Variants in VOPP1 observed in about 807,000 individuals in gnomAD.
VOPP1 encodes WW domain binding protein VOPP1.
A neutral mutation model predicts 23.5 loss-of-function variants in VOPP1; 8 were observed. That is an observed-to-expected ratio of 0.34 (90% CI 0.20 to 0.61). VOPP1 has a LOEUF of 0.61. VOPP1 is among the 20% of genes least tolerant of loss of function. The probability of loss-of-function intolerance (pLI) is 0.78; values close to 1 mark genes in which losing one functional copy is unlikely to be tolerated. For missense variants in VOPP1, 174 were observed against 238.1 expected (o/e 0.73, Z 1.77); for synonymous variants, 83 against 97.3 (o/e 0.85, Z 0.86).
intron 2 of VOPP1, among the ~76,000 whole-genome samples, chr7:55,511,106 T>C (rs1795042160): frequency 1.3e-5 from 2 of 152,208 alleles, no homozygotes; most frequent in Non-Finnish European, 2.9e-5. Context: ...TGTAAAGGTT[T>C]TGACTTAAAC....
In VOPP1 at chr7:55,471,599, A is replaced by G. The variant is rs1262807054; in HGVS notation, c.*1256T>C. Reference sequence around the variant, plus strand: ...AGGTCAGCGTTCACACATCAACACTATAACTATGCGGCGGAACTAGCTCCC... The same window carrying G: ...AGGTCAGCGTTCACACATCAACACTGTAACTATGCGGCGGAACTAGCTCCC... On this transcript the variant is annotated 3_prime_UTR_variant, in exon 5 of 5. Transcript: ENST00000285279. 5 of 151,238 alleles carry G rather than the reference A, an allele frequency of 3.3e-5. No homozygotes were observed. The highest frequency in any genetic ancestry group is 6.6e-5 in the Admixed American group (1 of 15,206). The allele number at this position is 151,238 out of a possible 1,614,324, so 9.4% of individuals were successfully genotyped here. A position where few individuals can be genotyped will look rare whatever the true frequency, so the allele number is the denominator to read the frequency against.
intron 1 of VOPP1, among the ~76,000 whole-genome samples, chr7:55,560,169 CA>C (rs567580188): frequency 0.012 from 1,792 of 151,640 alleles, 13 homozygotes; most frequent in Middle Eastern, 0.02. Context: ...CAAACGAAAA[CA>C]AAAAAAACCT....
At chr7:55,568,457 G>A (rs895728678) in intron 1 of VOPP1, among the ~76,000 whole-genome samples, 5 of 152,166 alleles carry the variant, frequency 3.3e-5, no homozygotes, top group South Asian at 2.1e-4. Context: ...TGGCTTAAGC[G>A]TTTCCAGCTC....
chr7:55,502,355 A>T (rs1165522859), intron 2 of VOPP1, among the ~76,000 whole-genome samples: 2 of 152,268 alleles, frequency 1.3e-5, no homozygotes, highest in Non-Finnish European at 2.9e-5. Flanking sequence ...TTGGAACACC[A>T]GCAGCAAATA....
At chr7:55,496,837 G>A (rs745500761) in intron 3 of VOPP1, among the ~76,000 whole-genome samples, 1 of 152,358 alleles carries the variant, frequency 6.6e-6, no homozygotes, top group Non-Finnish European at 1.5e-5. Flanking sequence ...ATCATGCAGA[G>A]AGCAAACTCT....
intron 2 of VOPP1, among the ~76,000 whole-genome samples, chr7:55,501,267 G>A (rs924081926): frequency 1.3e-5 from 2 of 152,262 alleles, no homozygotes; most frequent in African/African-American, 4.8e-5. Context: ...GGACGGCGTC[G>A]ATTTGTAGTG....
At chr7:55,524,831 C>G (rs1265975189) in intron 1 of VOPP1, among the ~76,000 whole-genome samples, 1 of 152,154 alleles carries the variant, frequency 6.6e-6, no homozygotes, top group Non-Finnish European at 1.5e-5. Flanking sequence ...AAGTCGAAGT[C>G]TGATGAGAAA....
At chr7:55,553,610 C>T (rs1304122052) in intron 1 of VOPP1, among the ~76,000 whole-genome samples, 3 of 151,894 alleles carry the variant, frequency 2.0e-5, no homozygotes, top group Non-Finnish European at 2.9e-5. Context: ...CAGAAGCCCC[C>T]ACTCCCTGAC....
At chr7:55,497,895 G>C (rs1249422677) in intron 2 of VOPP1, among the ~76,000 whole-genome samples, 2 of 152,254 alleles carry the variant, frequency 1.3e-5, no homozygotes, top group African/African-American at 2.4e-5. Context: ...GTGCTGAGGT[G>C]GGCACAGTCA....
At chr7:55,440,793 T>G (rs1316084308) in intron 4 of VOPP1, among the ~76,000 whole-genome samples, 1 of 152,174 alleles carries the variant, frequency 6.6e-6, no homozygotes, top group African/African-American at 2.4e-5. Flanking sequence ...CGGATGTATT[T>G]AAGCCCATGA....
chr7:55,469,469 A>G (rs1791719118), downstream of VOPP1, among the ~76,000 whole-genome samples: 1 of 152,238 alleles, frequency 6.6e-6, no homozygotes. Flanking sequence ...AAACAGATGC[A>G]AAATATATTA....
At chr7:55,487,936 G>A (rs201664521) in intron 4 of VOPP1, among the ~76,000 whole-genome samples, 4 of 152,080 alleles carry the variant, frequency 2.6e-5, no homozygotes, top group East Asian at 3.8e-4. Context: ...TTTCTCCACC[G>A]TTCTACAGTT....
chr7:55,519,508 A>C (rs1209755587), intron 2 of VOPP1, among the ~76,000 whole-genome samples: 1 of 151,112 alleles, frequency 6.6e-6, no homozygotes. Context: ...GCAAAAAGCT[A>C]AACAAGGAAA....
chr7:55,505,284 A>C (rs1794635357), intron 2 of VOPP1, among the ~76,000 whole-genome samples: 1 of 152,294 alleles, frequency 6.6e-6, no homozygotes, highest in African/African-American at 2.4e-5. Flanking sequence ...CTGGGGCCTG[A>C]AAATGAAGAG....
intron 4 of VOPP1, among the ~76,000 whole-genome samples, chr7:55,447,354 C>T (rs1393220746): frequency 1.3e-5 from 2 of 152,230 alleles, no homozygotes; most frequent in East Asian, 3.9e-4. Context: ...TGGTTTGACT[C>T]CCAAGTTCAC....
intron 4 of VOPP1, among the ~76,000 whole-genome samples, chr7:55,459,072 A>G (rs932360417): frequency 1.5e-5 from 2 of 133,576 alleles, no homozygotes; most frequent in Non-Finnish European, 1.8e-5. Flanking sequence ...ATTTGTTGAG[A>G]GTTTTTTTTT....
At chr7:55,551,438 T>C (rs1050500129) in intron 1 of VOPP1, among the ~76,000 whole-genome samples, 1 of 152,156 alleles carries the variant, frequency 6.6e-6, no homozygotes, top group Non-Finnish European at 1.5e-5. Context: ...GGGTTCTGAG[T>C]GCTCCCCAAA....
At chr7:55,444,119 C>T (rs901536809) in intron 4 of VOPP1, among the ~76,000 whole-genome samples, 3 of 152,032 alleles carry the variant, frequency 2.0e-5, no homozygotes, top group Non-Finnish European at 4.4e-5. Flanking sequence ...TGACAGCTGC[C>T]GTACCCGGCC....
chr7:55,513,227 C>T (rs1308250507), intron 2 of VOPP1, among the ~76,000 whole-genome samples: 1 of 152,072 alleles, frequency 6.6e-6, no homozygotes, highest in Non-Finnish European at 1.5e-5. Flanking sequence ...CCTCCCTCAT[C>T]GCTAACTTCC....
Sources: allele counts gnomAD v4.1 joint callset (sites outside exome capture counted in the v4.1 genomes callset), GRCh38; gene constraint gnomAD v4.1.1; transcripts MANE v1.5; gene names NCBI Gene and HGNC (gene_info 2026-07-23, HGNC 2026-07-21).